Variants in MCM5 observed in about 807,000 individuals in gnomAD.
MCM5 encodes the protein DNA replication licensing factor MCM5.
In MCM5, 46 loss-of-function variants were observed where a neutral mutation model predicts 79.9. The observed-to-expected ratio is 0.58, with a 90% CI of 0.45 to 0.74. The LOEUF (loss-of-function observed/expected upper bound fraction) is 0.74, where lower values mean the gene tolerates loss of function less well. Among genes scored for constraint, MCM5 ranks in the 30% least tolerant of loss-of-function variants. The pLI is 0.00. For synonymous variants in MCM5, 404 were observed against 390.5 expected (o/e 1.03, Z -0.41); for missense variants, 883 against 1,017.0 (o/e 0.87, Z 1.79).
At chr22:35,404,796 T>C (rs1932162142) in intron 4 of MCM5, among the ~76,000 whole-genome samples, 1 of 152,160 alleles carries the variant, frequency 6.6e-6, no homozygotes, top group African/African-American at 2.4e-5. Flanking sequence ...GAGGAGGGCA[T>C]TGAGAAACGG....
intron 5 of MCM5, among the ~76,000 whole-genome samples, chr22:35,407,964 T>C (rs908271246): frequency 6.6e-6 from 1 of 152,208 alleles, no homozygotes; most frequent in Admixed American, 6.5e-5. Context: ...ATAATATCTA[T>C]TGAATAATGA....
At chr22:35,437,189 TG>T in the MCM5 span, among the ~76,000 whole-genome samples, 1 of 151,618 alleles carries the variant, frequency 6.6e-6, no homozygotes, top group African/African-American at 2.4e-5. Flanking sequence ...GCCTAGGGAA[TG>T]GGCAGTGCCC....
the MCM5 span, among the ~76,000 whole-genome samples, chr22:35,432,334 G>A: frequency 1.3e-5 from 2 of 152,246 alleles, no homozygotes; most frequent in South Asian, 2.1e-4. Flanking sequence ...TGTGGGTACC[G>A]GGGTGGCCTT....
Position 35,424,547 on chromosome 22 carries a change from C to A in MCM5, c.*292C>A. On this transcript the variant is annotated 3_prime_UTR_variant, in exon 17 of 17. Coordinates refer to ENST00000216122, the MANE Select transcript of MCM5 (RefSeq NM_006739.4). ...GGTGACCTGTCACCTCCATCGTGCC[C>A]TCATGGCAGGGTAAGTGTGAGGGAA... The A allele has an allele frequency of 3.3e-6, 1 of 298,732 alleles. No homozygotes were observed. Among genetic ancestry groups the A allele is most frequent in the Admixed American group, 5.3e-5 (1 of 18,902 alleles). 18.5% of individuals were successfully genotyped at this position (298,732 alleles called of 1,614,324 possible).
intron 2 of MCM5, chr22:35,401,473 G>A (rs1932048942): frequency 2.1e-6 from 1 of 470,450 alleles, no homozygotes; most frequent in African/African-American, 2.0e-5. Flanking sequence ...CTAGGTGATT[G>A]TACGACCTGT....
chr22:35,412,106 C>G (rs1016295576), intron 7 of MCM5, among the ~76,000 whole-genome samples: 8 of 152,236 alleles, frequency 5.3e-5, no homozygotes, highest in African/African-American at 1.9e-4. Flanking sequence ...TCAGCCCTCC[C>G]TGGATCACCG....
At chr22:35,440,838 A>G in the MCM5 span, among the ~76,000 whole-genome samples, 1 of 152,012 alleles carries the variant, frequency 6.6e-6, no homozygotes. Context: ...AGGGCCAATC[A>G]CCTGAGGTCA....
rs1932279491 is a variant in MCM5, at chr22:35,408,389, T to C, written c.597-19T>C. ...TTCTCCAGGTAGCTTTGGTGACTCTTTTCCCTTACCTTGTACAGAGATCAG... is the reference window on the plus strand; with the variant it reads ...TTCTCCAGGTAGCTTTGGTGACTCTCTTCCCTTACCTTGTACAGAGATCAG... On this transcript the variant is annotated intron_variant, in intron 5 of 16. Transcript: ENST00000216122. 6.2e-7 allele frequency: 1 copy of C among 1,602,980 alleles called. No individual in the cohort carries two copies. Among genetic ancestry groups the C allele is most frequent in the Non-Finnish European group, 8.5e-7 (1 of 1,171,172 alleles).
At chr22:35,431,077 C>T in the MCM5 span, among the ~76,000 whole-genome samples, 1 of 152,188 alleles carries the variant, frequency 6.6e-6, no homozygotes, top group Admixed American at 6.5e-5. Context: ...CAGGCGCTCC[C>T]AGGGACTTCC....
the MCM5 span, among the ~76,000 whole-genome samples, chr22:35,430,733 A>G: frequency 1.3e-5 from 2 of 151,194 alleles, no homozygotes; most frequent in Admixed American, 6.6e-5. Context: ...TCTGGTCTGG[A>G]ACTCCTGACC....
chr22:35,420,692 C>T (rs922271938), intron 14 of MCM5, among the ~76,000 whole-genome samples: 1 of 152,232 alleles, frequency 6.6e-6, no homozygotes, highest in African/African-American at 2.4e-5. Context: ...GGAAAGAGAG[C>T]TTCCCTTTTA....
intron 16 of MCM5, chr22:35,423,881 G>A (rs1932752168): frequency 1.4e-5 from 6 of 417,488 alleles, no homozygotes; most frequent in South Asian, 8.8e-5. Flanking sequence ...CTATAGGTGC[G>A]CAGACTGAGG....
intron 16 of MCM5, 94 bp downstream of exon 16, chr22:35,423,435 A>T: frequency 7.1e-7 from 1 of 1,408,096 alleles, no homozygotes; most frequent in Non-Finnish European, 9.5e-7. Context: ...TACTCAGCAG[A>T]CAGGCCCTGA....
At position 35,402,388 on chromosome 22, in the gene MCM5, G is replaced by A. The variant is rs547118755; in HGVS notation, c.168-819G>A. Among the ~76,000 whole-genome samples, 7 of 150,920 alleles carry A rather than the reference G, an allele frequency of 4.6e-5. 1 individual carries two copies. In the South Asian group the frequency reaches 8.3e-4, roughly 18 times the overall value. The stretch of plus-strand genomic sequence containing the variant: ...GTCACCCAGGTTTGAGTACAGTGGC[G>A]TGATCTTGGCTCACTGCAACTGCTG... On this transcript the variant is annotated intron_variant, in intron 2 of 16. Transcript: ENST00000216122.
chr22:35,408,290 C>T (rs1311305112), intron 5 of MCM5, 118 bp from the exon 6 acceptor site: 21 of 888,312 alleles, frequency 2.4e-5, no homozygotes, highest in Non-Finnish European at 3.6e-5. Context: ...CCAGCTTATT[C>T]TGGAGACCCC....
chr22:35,437,620 A>G, the MCM5 span, among the ~76,000 whole-genome samples: 3 of 152,174 alleles, frequency 2.0e-5, no homozygotes, highest in Non-Finnish European at 4.4e-5. Context: ...TTGTAACTGA[A>G]AGGTTCCTGA....
the MCM5 span, among the ~76,000 whole-genome samples, chr22:35,434,190 A>C: frequency 6.6e-6 from 1 of 152,102 alleles, no homozygotes; most frequent in East Asian, 1.9e-4. Context: ...GAGCCCTGGC[A>C]TCTTAGCCCA....
At chr22:35,405,523 C>T (rs1161552756) in intron 4 of MCM5, among the ~76,000 whole-genome samples, 1 of 151,504 alleles carries the variant, frequency 6.6e-6, no homozygotes, top group Non-Finnish European at 1.5e-5. Flanking sequence ...TATGCCATCA[C>T]ACCTGGCTAA....
intron 14 of MCM5, among the ~76,000 whole-genome samples, chr22:35,420,978 A>G (rs965402597): frequency 3.3e-5 from 5 of 152,024 alleles, no homozygotes; most frequent in Admixed American, 2.6e-4. Flanking sequence ...AAAATAAAAA[A>G]TTAGCCAGGC....
Sources: gnomAD v4.1 joint callset for allele counts (sites outside exome capture counted in the v4.1 genomes callset) on GRCh38, gnomAD v4.1.1 for gene constraint, MANE v1.5 for transcripts, NCBI Gene and HGNC (gene_info 2026-07-23, HGNC 2026-07-21) for gene names.